Variants in IQGAP2 observed in about 807,000 individuals in gnomAD.
IQGAP2 encodes the protein ras GTPase-activating-like protein IQGAP2.
IQGAP2 carries 173 observed loss-of-function variants against 201.3 expected under a neutral mutation model. The observed-to-expected ratio is 0.86, with a 90% CI of 0.76 to 0.98. The LOEUF (loss-of-function observed/expected upper bound fraction) is 0.98, where lower values mean the gene tolerates loss of function less well. IQGAP2 is among the 50% of genes least tolerant of loss of function. IQGAP2 has a pLI of 0.00. For missense variants in IQGAP2, 1,687 were observed against 1,864.8 expected, an observed-to-expected ratio of 0.90 and a Z score of 1.76; for synonymous variants, 675 against 673.9, an observed-to-expected ratio of 1.00 and a Z score of -0.03.
chr5:76,585,515 T>C (rs1746185365), intron 5 of IQGAP2, among the ~76,000 whole-genome samples: 1 of 151,282 alleles, frequency 6.6e-6, no homozygotes, highest in African/African-American at 2.5e-5. Flanking sequence ...TTTTTTCTTT[T>C]TTTCTTTTTT....
chr5:76,490,475 T>TC (rs35453582), intron 2 of IQGAP2, among the ~76,000 whole-genome samples: 19,389 of 152,222 alleles, frequency 0.13, 1,577 homozygotes, highest in Middle Eastern at 0.22. Context: ...GACTTAAATC[T>TC]AAAAATAAAA....
chr5:76,642,650 A>G (rs1751682118), intron 17 of IQGAP2, among the ~76,000 whole-genome samples: 1 of 152,188 alleles, frequency 6.6e-6, no homozygotes, highest in Admixed American at 6.5e-5. Flanking sequence ...GTTCACCTTC[A>G]AGTAGGAAAA....
intron 1 of IQGAP2, among the ~76,000 whole-genome samples, chr5:76,427,639 CAT>C (rs1298123429): frequency 1.3e-5 from 2 of 152,198 alleles, no homozygotes; most frequent in African/African-American, 4.8e-5. Flanking sequence ...GCGCGTGTGT[CAT>C]GTGAGGATTT....
At chr5:76,633,660 C>T (rs1298194272) in intron 15 of IQGAP2, among the ~76,000 whole-genome samples, 2 of 152,026 alleles carry the variant, frequency 1.3e-5, no homozygotes, top group Admixed American at 6.6e-5. Context: ...TTCATCACAC[C>T]AAAACAAAAC....
At chr5:76,606,615 G>A (rs1327412330) in intron 12 of IQGAP2, 1 of 171,776 alleles carries the variant, frequency 5.8e-6, no homozygotes, top group Non-Finnish European at 1.2e-5. Context: ...ATATTTTTAA[G>A]CACCCAATTT....
chr5:76,707,224 G>A lies in IQGAP2; in HGVS notation c.4639G>A (p.Gly1547Arg), dbSNP rs1420633979. 4 of 1,513,922 alleles carry A rather than the reference G, an allele frequency of 2.6e-6. No individual in the cohort carries two copies. The highest frequency in any genetic ancestry group is 3.7e-6 in the Non-Finnish European group (4 of 1,089,212). The allele number at this position is 1,513,922 out of a possible 1,614,324, so 93.8% of individuals were successfully genotyped here. A position where few individuals can be genotyped will look rare whatever the true frequency, so the allele number is the denominator to read the frequency against. The change falls in exon 36 of 36, where the codon GGA becomes AGA. Residue 1547 changes from glycine to arginine, a missense_variant. Coordinates refer to ENST00000274364, the MANE Select transcript of IQGAP2 (RefSeq NM_006633.5). ...IQDLLQMQYE[G>R]VAVMKMFDKV... ...GGATTTACTTCAGATGCAATATGAA[G>A]GAGTAGCTGTAATGAAAATGTTTGA...
At chr5:76,693,549 C>T (rs891069845) in intron 31 of IQGAP2, 107 bp downstream of exon 31, 29 of 739,552 alleles carry the variant, frequency 3.9e-5, no homozygotes, top group Admixed American at 5.4e-5. Context: ...TGACATGGTC[C>T]GGAAGTAAGG....
chr5:76,459,766 G>A (rs961030732), intron 1 of IQGAP2, among the ~76,000 whole-genome samples: 3 of 152,214 alleles, frequency 2.0e-5, no homozygotes, highest in African/African-American at 7.2e-5. Context: ...AGCCTCCTGA[G>A]TAGCTGGGAT....
chr5:76,549,930 C>T (rs1743336316), intron 2 of IQGAP2, among the ~76,000 whole-genome samples: 1 of 152,186 alleles, frequency 6.6e-6, no homozygotes, highest in Non-Finnish European at 1.5e-5. Flanking sequence ...CCATAACACT[C>T]TGCCCTCTGC....
At chr5:76,470,755 T>G (rs1755054937) in intron 2 of IQGAP2, among the ~76,000 whole-genome samples, 1 of 152,170 alleles carries the variant, frequency 6.6e-6, no homozygotes, top group African/African-American at 2.4e-5. Flanking sequence ...AAACTAAGCC[T>G]TTTCATTTCT....
intron 30 of IQGAP2, among the ~76,000 whole-genome samples, chr5:76,690,493 C>T (rs1320795164): frequency 2.0e-5 from 3 of 152,168 alleles, no homozygotes; most frequent in Admixed American, 6.6e-5. Context: ...CTCCGGGCCA[C>T]AGTCCTAAGA....
At chr5:76,533,168 G>GT (rs984373043) in intron 2 of IQGAP2, among the ~76,000 whole-genome samples, 175 of 148,992 alleles carry the variant, frequency 1.2e-3, no homozygotes, top group African/African-American at 3.1e-3. Flanking sequence ...GCAGATGGGT[G>GT]TTTTTTTTTT....
chr5:76,572,109 A>G lies in IQGAP2; in HGVS notation c.381+1452A>G, dbSNP rs567565117. On this transcript the variant is annotated intron_variant, in intron 4 of 35. Coordinates refer to ENST00000274364, the MANE Select transcript of IQGAP2 (RefSeq NM_006633.5). ...GAGCACAATATATAAGTGTAATCATATAGCGGGTATCCTTTGAGTCACATC... is the reference window on the plus strand; with the variant it reads ...GAGCACAATATATAAGTGTAATCATGTAGCGGGTATCCTTTGAGTCACATC... Among the ~76,000 whole-genome samples, 13 of 152,240 alleles carry G rather than the reference A, an allele frequency of 8.5e-5. 1 individual carries two copies. Among genetic ancestry groups the G allele is most frequent in the Admixed American group, 5.2e-4 (8 of 15,288 alleles).
At chr5:76,562,370 T>C in intron 2 of IQGAP2, 26 bp from the exon 3 acceptor site, 2 of 1,569,652 alleles carry the variant, frequency 1.3e-6, no homozygotes, top group Non-Finnish European at 8.7e-7. Context: ...GGAATCACTT[T>C]AATATTTTTT....
At chr5:76,423,902 G>A (rs10044351) in intron 1 of IQGAP2, among the ~76,000 whole-genome samples, 60,129 of 152,012 alleles carry the variant, frequency 0.4, 13,369 homozygotes, top group East Asian at 0.52. Context: ...ACTGGGAAGC[G>A]TGGAATCCTT....
intron 20 of IQGAP2, among the ~76,000 whole-genome samples, chr5:76,657,660 T>C (rs1414289254): frequency 6.6e-6 from 1 of 152,212 alleles, no homozygotes; most frequent in Non-Finnish European, 1.5e-5. Context: ...GACAATTTAT[T>C]CTTACAGTTT....
At chr5:76,522,419 G>A (rs1276044966) in intron 2 of IQGAP2, among the ~76,000 whole-genome samples, 1 of 152,106 alleles carries the variant, frequency 6.6e-6, no homozygotes, top group African/African-American at 2.4e-5. Flanking sequence ...CAGACCTCAA[G>A]TGATCCACCC....
intron 2 of IQGAP2, among the ~76,000 whole-genome samples, chr5:76,489,492 C>A (rs1007994777): frequency 1.3e-5 from 2 of 152,078 alleles, no homozygotes; most frequent in African/African-American, 4.8e-5. Flanking sequence ...GATGGAGTCT[C>A]GCTCTGTCCC....
In IQGAP2 at chr5:76,668,823, C is replaced by T; in HGVS notation, c.2822C>T (p.Thr941Ile). The change falls in exon 23 of 36, where the codon ACT becomes ATT. Residue 941 changes from threonine to isoleucine, a missense_variant. Coordinates refer to ENST00000274364, the MANE Select transcript of IQGAP2 (RefSeq NM_006633.5). ...EEYLLLKLFK[T>I]ALEEEIKSKV... ...TATCTACTTCTCAAGCTTTTTAAAA[C>T]TGCTCTGGAGGAAGAAATAAAGTAT... is the stretch of plus-strand genomic sequence containing the variant. 1 of 1,601,180 alleles carries T rather than the reference C, an allele frequency of 6.2e-7. No homozygotes were observed.
Sources: allele counts gnomAD v4.1 joint callset (sites outside exome capture counted in the v4.1 genomes callset), GRCh38; gene constraint gnomAD v4.1.1; transcripts MANE v1.5; gene names NCBI Gene and HGNC (gene_info 2026-07-23, HGNC 2026-07-21).